ACSM1: variants seen among roughly 807,000 people sequenced by gnomAD.
The protein encoded by ACSM1 is acyl-coenzyme A synthetase ACSM1, mitochondrial.
Under a neutral mutation model 75.8 loss-of-function variants are expected in ACSM1, and 79 were observed. The observed-to-expected ratio is 1.04, with a 90% CI of 0.87 to 1.26. The LOEUF is 1.26. Ranked by LOEUF, ACSM1 falls within the 50% of genes most tolerant of loss-of-function variation. The pLI, the probability that ACSM1 is intolerant of heterozygous loss-of-function variation, is 0.00. For missense variants in ACSM1, 676 were observed against 720.1 expected (o/e 0.94, Z 0.70); for synonymous variants, 279 against 265.8 (o/e 1.05, Z -0.48).
At chr16:20,655,049 C>A (rs1345528704) in intron 7 of ACSM1, among the ~76,000 whole-genome samples, 1 of 151,964 alleles carries the variant, frequency 6.6e-6, no homozygotes, top group African/African-American at 2.4e-5. Context: ...ACATATACAC[C>A]ATGGAATACT....
chr16:20,682,172 C>T (rs2079459122), intron 4 of ACSM1, 84 bp downstream of exon 4: 1 of 1,367,936 alleles, frequency 7.3e-7, no homozygotes, highest in Non-Finnish European at 1.0e-6. Flanking sequence ...ATACATCCTC[C>T]TCAACCCCAC....
At chr16:20,678,972 C>CT (rs2079376894) in intron 4 of ACSM1, among the ~76,000 whole-genome samples, 2 of 152,202 alleles carry the variant, frequency 1.3e-5, no homozygotes, top group South Asian at 4.1e-4. Context: ...CAAATGCAGA[C>CT]TTTAAGTATG....
At chr16:20,641,631 G>A (rs2018067161) in intron 7 of ACSM1, among the ~76,000 whole-genome samples, 1 of 152,226 alleles carries the variant, frequency 6.6e-6, no homozygotes, top group African/African-American at 2.4e-5. Flanking sequence ...GGCTCCCAGG[G>A]CTCGGGGCCT....
intron 2 of ACSM1, among the ~76,000 whole-genome samples, chr16:20,685,853 A>AAAC (rs2079545247): frequency 6.8e-6 from 1 of 147,046 alleles, no homozygotes; most frequent in Non-Finnish European, 1.5e-5. Context: ...AAAACAAAAA[A>AAAC]CTTATAGCAT....
intron 7 of ACSM1, among the ~76,000 whole-genome samples, chr16:20,643,713 C>T (rs1274225895): frequency 6.6e-6 from 1 of 152,228 alleles, no homozygotes; most frequent in Non-Finnish European, 1.5e-5. Context: ...TTTGGCCCTG[C>T]CCACATGCTG....
At chr16:20,668,277 C>T (rs9935309) in intron 6 of ACSM1, among the ~76,000 whole-genome samples, 389 of 152,140 alleles carry the variant, frequency 2.6e-3, no homozygotes, top group African/African-American at 9.1e-3. Flanking sequence ...AATGCAAATG[C>T]TTTTTTGGTA....
At chr16:20,690,876 A>T in intron 2 of ACSM1, 121 bp downstream of exon 2, 1 of 930,838 alleles carries the variant, frequency 1.1e-6, no homozygotes, top group Non-Finnish European at 1.6e-6. Flanking sequence ...AGCTTCTTCC[A>T]CAACACTGAT....
intron 6 of ACSM1, among the ~76,000 whole-genome samples, chr16:20,667,425 A>G (rs548018121): frequency 1.6e-3 from 238 of 152,282 alleles, no homozygotes; most frequent in Non-Finnish European, 2.4e-3. Context: ...CAATGTCATT[A>G]ATCAGAGAAA....
chr16:20,640,881 A>T lies in ACSM1; in HGVS notation c.993-297T>A, dbSNP rs535178819. Among the ~76,000 whole-genome samples, 466 of 152,244 alleles carry T rather than the reference A, an allele frequency of 3.1e-3. 2 individuals carry two copies. The highest frequency in any genetic ancestry group is 0.01 in the African/African-American group (434 of 41,548). On this transcript the variant is annotated intron_variant, in intron 7 of 13. Transcript: ENST00000520010. ...GAGGGAGAACTGTGTGTTTATCAGAACTCCTCTTGGGGAAGCATTCTGTAT... is the reference window on the plus strand; with the variant it reads ...GAGGGAGAACTGTGTGTTTATCAGATCTCCTCTTGGGGAAGCATTCTGTAT...
At position 20,669,984 on chromosome 16, in the gene ACSM1, C is replaced by A; in HGVS notation, c.755G>T (p.Arg252Met). Residue 252 changes from arginine (R) to methionine (M), a missense_variant and splice_region_variant, in exon 6 of 14, where the codon AGG (arginine) becomes ATG (methionine). Physicochemically the swap from Arg to Met is moderately conservative, Grantham distance 91. Coordinates refer to ENST00000520010, the MANE Select transcript of ACSM1 (RefSeq NM_001318890.3). The stretch of plus-strand genomic sequence containing the variant: ...AGATGTCTTCAGGCTCCGTAATTTC[C>A]TACTAACTCCAAAATGCAGTGGCCT... ...LALQPSFPGSRKLRSLKTSDV... is the reference protein window; with the variant it reads ...LALQPSFPGSMKLRSLKTSDV... The A allele has an allele frequency of 6.2e-7, 1 of 1,613,574 alleles. No individual in the cohort carries two copies. The highest frequency in any genetic ancestry group is 8.5e-7 in the Non-Finnish European group (1 of 1,179,760).
At chr16:20,687,952 G>T (rs2079583085) in intron 2 of ACSM1, among the ~76,000 whole-genome samples, 1 of 151,934 alleles carries the variant, frequency 6.6e-6, no homozygotes, top group Non-Finnish European at 1.5e-5. Context: ...AGGCATAGTT[G>T]CATGCACCTG....
At chr16:20,639,366 C>A (rs13339208) in intron 8 of ACSM1, among the ~76,000 whole-genome samples, 1 of 152,296 alleles carries the variant, frequency 6.6e-6, no homozygotes, top group East Asian at 1.9e-4. Context: ...GTCAAACCTG[C>A]GAGTTGTCCT....
intron 10 of ACSM1, among the ~76,000 whole-genome samples, chr16:20,630,395 GT>G (rs1439100008): frequency 9.2e-5 from 14 of 152,090 alleles, no homozygotes; most frequent in South Asian, 4.1e-4. Flanking sequence ...TCAAAATAAA[GT>G]TTAAGTTAAA....
chr16:20,694,488 C>T (rs1567317331), intron 1 of ACSM1, among the ~76,000 whole-genome samples: 1 of 152,212 alleles, frequency 6.6e-6, no homozygotes, highest in Non-Finnish European at 1.5e-5. Flanking sequence ...TTCCAACACA[C>T]ACCTCCTTCC....
chr16:20,663,279 G>A (rs1316166203), intron 6 of ACSM1, among the ~76,000 whole-genome samples: 1 of 152,108 alleles, frequency 6.6e-6, no homozygotes, highest in Non-Finnish European at 1.5e-5. Flanking sequence ...AGTTATGCTT[G>A]ATGCACTGCT....
chr16:20,669,405 G>A (rs1040553886), intron 6 of ACSM1, among the ~76,000 whole-genome samples: 1 of 149,600 alleles, frequency 6.7e-6, no homozygotes, highest in Non-Finnish European at 1.5e-5. Context: ...ATATTCCAAG[G>A]GCTGTTTTTA....
chr16:20,662,194 G>A (rs1325971341), intron 6 of ACSM1, among the ~76,000 whole-genome samples: 1 of 152,146 alleles, frequency 6.6e-6, no homozygotes, highest in African/African-American at 2.4e-5. Flanking sequence ...AGGAACACAG[G>A]AGAGGGAAAT....
intron 10 of ACSM1, among the ~76,000 whole-genome samples, chr16:20,629,112 G>A (rs957527470): frequency 1.6e-4 from 24 of 152,174 alleles, no homozygotes; most frequent in African/African-American, 3.6e-4. Context: ...CAGGATCAGA[G>A]CTTCCAATGA....
At chr16:20,693,277 C>T (rs2079672690) in intron 1 of ACSM1, among the ~76,000 whole-genome samples, 1 of 152,036 alleles carries the variant, frequency 6.6e-6, no homozygotes, top group Non-Finnish European at 1.5e-5. Context: ...GCATTCAGGA[C>T]AGCTGATACC....
Sources: allele counts gnomAD v4.1 joint callset (sites outside exome capture counted in the v4.1 genomes callset), GRCh38; gene constraint gnomAD v4.1.1; transcripts MANE v1.5; gene names NCBI Gene and HGNC (gene_info 2026-07-23, HGNC 2026-07-21).